Variants in SYNDIG1 observed in about 807,000 individuals in gnomAD.
SYNDIG1 encodes the protein synapse differentiation-inducing gene protein 1.
Under a neutral mutation model 19.4 loss-of-function variants are expected in SYNDIG1, and 9 were observed. That is an observed-to-expected ratio of 0.46 (90% CI 0.28 to 0.81). SYNDIG1 has a LOEUF of 0.81. Among genes scored for constraint, SYNDIG1 ranks in the 30% least tolerant of loss-of-function variants. The probability of loss-of-function intolerance (pLI) is 0.12; values close to 1 mark genes in which losing one functional copy is unlikely to be tolerated. For missense variants in SYNDIG1, 311 were observed against 343.3 expected, an observed-to-expected ratio of 0.91 and a Z score of 0.74; for synonymous variants, 141 against 145.9, an observed-to-expected ratio of 0.97 and a Z score of 0.24.
chr20:24,551,228 T>G (rs1827638242), intron 2 of SYNDIG1, among the ~76,000 whole-genome samples: 1 of 152,232 alleles, frequency 6.6e-6, no homozygotes. Context: ...AAGATCGTCC[T>G]TTATTCTTGT....
At chr20:24,528,298 T>C (rs2057169740) in intron 1 of SYNDIG1, among the ~76,000 whole-genome samples, 1 of 152,120 alleles carries the variant, frequency 6.6e-6, no homozygotes, top group Admixed American at 6.5e-5. Flanking sequence ...TCTGAAAGTG[T>C]TAATACCTAC....
At chr20:24,641,382 G>A (rs1479747467) in intron 3 of SYNDIG1, among the ~76,000 whole-genome samples, 2 of 152,156 alleles carry the variant, frequency 1.3e-5, no homozygotes, top group African/African-American at 4.8e-5. Flanking sequence ...TATGAGTGTT[G>A]ACTGTAGTTT....
chr20:24,632,508 G>A (rs1390487678), intron 3 of SYNDIG1, among the ~76,000 whole-genome samples: 2 of 152,156 alleles, frequency 1.3e-5, no homozygotes, highest in Admixed American at 6.5e-5. Flanking sequence ...CCAAAGTGCT[G>A]GGATTACAGG....
chr20:24,545,337 G>C (rs148908434), intron 2 of SYNDIG1, among the ~76,000 whole-genome samples: 173 of 152,320 alleles, frequency 1.1e-3, no homozygotes, highest in South Asian at 4.1e-3. Context: ...CGCTGCAGCT[G>C]TGGAAAGTTG....
intron 3 of SYNDIG1, among the ~76,000 whole-genome samples, chr20:24,651,472 C>A (rs1202330103): frequency 6.6e-6 from 1 of 152,086 alleles, no homozygotes; most frequent in South Asian, 2.1e-4. Flanking sequence ...AGAGAAACGA[C>A]CACACATGAG....
chr20:24,543,656 G>A, intron 2 of SYNDIG1, 79 bp downstream of exon 2: 5 of 1,535,624 alleles, frequency 3.3e-6, no homozygotes, highest in Non-Finnish European at 8.7e-7. Context: ...ATGAATGCCT[G>A]GCAAAAGTTA....
chr20:24,540,108 TATGAGTCCTTCACCTCATTGGTTCA>T (rs1294988385), intron 1 of SYNDIG1, among the ~76,000 whole-genome samples: 2 of 152,234 alleles, frequency 1.3e-5, no homozygotes, highest in East Asian at 3.8e-4. Context: ...GACTTCTTTG[TATGAGTCCTTCACCTCATTGGTTCA>T]ATTAATTCTG....
At chr20:24,470,714 G>A (rs935294671) in intron 1 of SYNDIG1, among the ~76,000 whole-genome samples, 1 of 152,224 alleles carries the variant, frequency 6.6e-6, no homozygotes, top group African/African-American at 2.4e-5. Context: ...GGCGGCCAGA[G>A]GGGCCGCTTG....
intron 3 of SYNDIG1, among the ~76,000 whole-genome samples, chr20:24,637,066 C>T (rs2059323461): frequency 6.6e-6 from 1 of 152,202 alleles, no homozygotes; most frequent in Non-Finnish European, 1.5e-5. Flanking sequence ...AAGGCAGTTC[C>T]CTGCAGCCAC....
intron 1 of SYNDIG1, among the ~76,000 whole-genome samples, chr20:24,483,662 G>A (rs6036813): frequency 0.023 from 3,554 of 152,326 alleles, 148 homozygotes; most frequent in African/African-American, 0.081. Context: ...GCGGCTGACC[G>A]TCTTGGCTCT....
chr20:24,497,328 G>A (rs2056328414), intron 1 of SYNDIG1, among the ~76,000 whole-genome samples: 1 of 152,116 alleles, frequency 6.6e-6, no homozygotes, highest in South Asian at 2.1e-4. Context: ...GGCCACACGA[G>A]TAGCTGGGAC....
At chr20:24,558,619 TCTTA>T (rs1469703197) in intron 2 of SYNDIG1, among the ~76,000 whole-genome samples, 6 of 152,236 alleles carry the variant, frequency 3.9e-5, no homozygotes, top group African/African-American at 9.6e-5. Context: ...CTCTACTTCT[TCTTA>T]CTTCTGTTTT....
rs186353630 is a variant in SYNDIG1, at chr20:24,599,643, G to T, written c.618+14650G>T. 3.9e-5 allele frequency among the ~76,000 whole-genome samples: 6 copies of T among 152,270 alleles called. No individual in the cohort carries two copies. In the East Asian group the frequency reaches 1.2e-3, roughly 29 times the overall value. On this transcript the variant is annotated intron_variant, in intron 3 of 3. Coordinates refer to ENST00000376862, the MANE Select transcript of SYNDIG1 (RefSeq NM_024893.3). ...GTGGTATAGATACACAATGGAATAC[G>T]ATTTGGCCATAACAAAGAATGGAAT...
At chr20:24,504,805 G>T (rs1261261298) in intron 1 of SYNDIG1, among the ~76,000 whole-genome samples, 1 of 152,202 alleles carries the variant, frequency 6.6e-6, no homozygotes, top group Non-Finnish European at 1.5e-5. Flanking sequence ...TTTGGTCTGT[G>T]CCCCGGGAGC....
chr20:24,501,826 C>T (rs565918871), intron 1 of SYNDIG1, among the ~76,000 whole-genome samples: 15 of 152,224 alleles, frequency 9.9e-5, no homozygotes, highest in Non-Finnish European at 1.9e-4. Context: ...TGCATCAGAG[C>T]AAGTAAGGCC....
chr20:24,632,352 GC>G (rs1243926830), intron 3 of SYNDIG1, among the ~76,000 whole-genome samples: 1 of 152,164 alleles, frequency 6.6e-6, no homozygotes, highest in African/African-American at 2.4e-5. Context: ...TGATTCTTGT[GC>G]CTCAGCCTCC....
At chr20:24,494,154 C>T (rs1051945226) in intron 1 of SYNDIG1, among the ~76,000 whole-genome samples, 3 of 151,264 alleles carry the variant, frequency 2.0e-5, no homozygotes, top group East Asian at 3.9e-4. Context: ...GGGCCGGGGG[C>T]GGGGCGGCGC....
chr20:24,554,059 C>A (rs1339297535), intron 2 of SYNDIG1, among the ~76,000 whole-genome samples: 2 of 152,138 alleles, frequency 1.3e-5, no homozygotes, highest in Non-Finnish European at 2.9e-5. Context: ...GTATTTTATT[C>A]TCTTTGAAGC....
In SYNDIG1 at chr20:24,582,187, C is replaced by T. The variant is rs974423774; in HGVS notation, c.481-2669C>T. 4.2e-5 allele frequency among the ~76,000 whole-genome samples: 6 copies of T among 144,362 alleles called. No homozygotes were observed. In the South Asian group the frequency reaches 9.4e-4, roughly 23 times the overall value. The allele number at this position is 144,362 out of a possible 152,430, so 94.7% of individuals were successfully genotyped here. On this transcript the variant is annotated intron_variant, in intron 2 of 3. Coordinates refer to ENST00000376862, the MANE Select transcript of SYNDIG1 (RefSeq NM_024893.3). ...CTCCCTCCCGATTGCAAGTCCTCCCCGCTGCACATCCTGCCCCCTGCACTT... is the reference window on the plus strand; with the variant it reads ...CTCCCTCCCGATTGCAAGTCCTCCCTGCTGCACATCCTGCCCCCTGCACTT...
Sources: gnomAD v4.1 joint callset for allele counts (sites outside exome capture counted in the v4.1 genomes callset) on GRCh38, gnomAD v4.1.1 for gene constraint, MANE v1.5 for transcripts, NCBI Gene and HGNC (gene_info 2026-07-23, HGNC 2026-07-21) for gene names.